Variants in LMNTD1 observed in about 807,000 individuals in gnomAD.
LMNTD1 encodes lamin tail domain containing 1, also known as lamin tail domain-containing protein 1.
A neutral mutation model predicts 50.9 loss-of-function variants in LMNTD1; 35 were observed. The ratio of observed to expected loss-of-function variants is 0.69; its 90% CI spans 0.53 to 0.91. LMNTD1 has a LOEUF of 0.91. Ranked by LOEUF, LMNTD1 falls within the 40% of genes least tolerant of loss-of-function variation. The pLI, the probability that LMNTD1 is intolerant of heterozygous loss-of-function variation, is 0.00. For synonymous variants in LMNTD1, 153 were observed against 161.9 expected (o/e 0.94, Z 0.42); for missense variants, 470 against 475.5 (o/e 0.99, Z 0.11).
rs1415201314 is a variant in LMNTD1, at chr12:25,539,165, C to T, written c.491+7209G>A. ...CCACTGTCAACATTAGACAGATCAA[C>T]GAGACAGAAAGTCAACAAGGATACC... On this transcript the variant is annotated intron_variant, in intron 4 of 9. Transcript: ENST00000458174. Among the ~76,000 whole-genome samples, 13 of 144,332 alleles carry T rather than the reference C, an allele frequency of 9.0e-5. No homozygotes were observed. In the South Asian group the frequency reaches 2.1e-3, roughly 23 times the overall value. 94.7% of individuals were successfully genotyped at this position (144,332 alleles called of 152,430 possible).
intron 1 of LMNTD1, among the ~76,000 whole-genome samples, chr12:25,619,246 C>CTATATATA (rs1401057071): frequency 5.2e-5 from 4 of 76,212 alleles, no homozygotes; most frequent in Admixed American, 1.3e-4. Context: ...CTCTCTCTCT[C>CTATATATA]TCTCTCTATA....
chr12:25,610,495 A>G (rs923910051), intron 1 of LMNTD1, among the ~76,000 whole-genome samples: 3 of 152,126 alleles, frequency 2.0e-5, no homozygotes, highest in Admixed American at 2.0e-4. Flanking sequence ...CTTCATTTAG[A>G]TTTAATTTAT....
At chr12:25,548,481 A>G (rs147236547) in intron 3 of LMNTD1, among the ~76,000 whole-genome samples, 13 of 152,046 alleles carry the variant, frequency 8.6e-5, no homozygotes, top group African/African-American at 3.1e-4. Flanking sequence ...CAGATTCATA[A>G]CTAATGTTTA....
intron 1 of LMNTD1, among the ~76,000 whole-genome samples, chr12:25,636,228 G>A (rs1467892928): frequency 1.3e-5 from 2 of 151,978 alleles, no homozygotes; most frequent in Non-Finnish European, 2.9e-5. Context: ...TCTGCACAAT[G>A]TATACATCTG....
chr12:25,598,255 T>C lies in LMNTD1; in HGVS notation c.58+50239A>G, dbSNP rs143558965. On this transcript the variant is annotated intron_variant, in intron 1 of 7. Coordinates refer to the LMNTD1 transcript ENST00000445693. Reference sequence around the variant, plus strand: ...ATAAATTAAACAATATGCTCCTGAATGACCAGTGGGTCAATAAAGAAATTA... The same window carrying C: ...ATAAATTAAACAATATGCTCCTGAACGACCAGTGGGTCAATAAAGAAATTA... Among the ~76,000 whole-genome samples the C allele has an allele frequency of 6.6e-5, 10 of 152,188 alleles. No homozygotes were observed. In the East Asian group the frequency reaches 1.7e-3, roughly 26 times the overall value.
chr12:25,594,116 A>G (rs1945781342), intron 1 of LMNTD1, among the ~76,000 whole-genome samples: 1 of 152,244 alleles, frequency 6.6e-6, no homozygotes, highest in Admixed American at 6.5e-5. Context: ...GAAGAAGAGA[A>G]ATCTAAAAGT....
chr12:25,631,637 G>A (rs142633149), intron 1 of LMNTD1, among the ~76,000 whole-genome samples: 3,713 of 152,224 alleles, frequency 0.024, 89 homozygotes, highest in African/African-American at 0.064. Flanking sequence ...TGGGACAAAA[G>A]AATCTGAACA....
intron 1 of LMNTD1, among the ~76,000 whole-genome samples, chr12:25,644,666 G>A (rs144831288): frequency 6.6e-6 from 1 of 152,296 alleles, no homozygotes; most frequent in East Asian, 1.9e-4. Context: ...CACAGAACTT[G>A]CGTATATGTT....
intron 1 of LMNTD1, among the ~76,000 whole-genome samples, chr12:25,589,964 CA>C (rs1945647635): frequency 6.6e-6 from 1 of 152,164 alleles, no homozygotes; most frequent in Admixed American, 6.5e-5. Flanking sequence ...GTGGGAATTA[CA>C]AACCCAGAGA....
chr12:25,644,940 A>G (rs186550169), intron 1 of LMNTD1, among the ~76,000 whole-genome samples: 3 of 152,354 alleles, frequency 2.0e-5, no homozygotes, highest in Non-Finnish European at 2.9e-5. Flanking sequence ...TCAATGAAGT[A>G]TGAGTCTAAG....
At chr12:25,632,438 A>G (rs914289179) in intron 1 of LMNTD1, among the ~76,000 whole-genome samples, 2 of 152,242 alleles carry the variant, frequency 1.3e-5, no homozygotes, top group African/African-American at 4.8e-5. Context: ...TCAGATTAAC[A>G]GCAGATTTCT....
rs775002964 is a variant in LMNTD1 at position 25,519,847 on chromosome 12, A to T, written c.1016+11T>A. 1 of 1,594,236 alleles carries T rather than the reference A, an allele frequency of 6.3e-7. No individual in the cohort carries two copies. Among genetic ancestry groups the T allele is most frequent in the Non-Finnish European group, 8.6e-7 (1 of 1,165,252 alleles). On this transcript the variant is annotated intron_variant, in intron 7 of 9. Transcript: ENST00000458174. ...GGACCCATTAAAACAAACAAACCAAACAACCCTTACCTCTTAAGAAGAACT... is the reference window on the plus strand; with the variant it reads ...GGACCCATTAAAACAAACAAACCAATCAACCCTTACCTCTTAAGAAGAACT...
At chr12:25,555,490 A>G (rs759111747), upstream of LMNTD1, among the ~76,000 whole-genome samples, 11 of 152,234 alleles carry the variant, frequency 7.2e-5, no homozygotes, top group Non-Finnish European at 1.2e-4. Context: ...AATTCAAGCA[A>G]ACTGTAGAAA....
intron 1 of LMNTD1, among the ~76,000 whole-genome samples, chr12:25,594,560 A>G (rs1258361858): frequency 6.6e-6 from 1 of 151,890 alleles, no homozygotes; most frequent in African/African-American, 2.4e-5. Context: ...TGACTTAAAA[A>G]AATCTCTAAA....
intron 5 of LMNTD1, 131 bp downstream of exon 5, chr12:25,526,638 A>C (rs767114444): frequency 9.1e-6 from 5 of 548,934 alleles, no homozygotes; most frequent in South Asian, 5.3e-5. Flanking sequence ...TTAACCACCA[A>C]CAACAAAATC....
At chr12:25,552,635 T>C (rs1358202573) in intron 2 of LMNTD1, among the ~76,000 whole-genome samples, 1 of 145,564 alleles carries the variant, frequency 6.9e-6, no homozygotes, top group Non-Finnish European at 1.5e-5. Flanking sequence ...CTAGGTCTTA[T>C]ACTATGGAGA....
chr12:25,509,367 C>A (rs1313224638), intron 8 of LMNTD1, among the ~76,000 whole-genome samples: 1 of 152,190 alleles, frequency 6.6e-6, no homozygotes, highest in East Asian at 1.9e-4. Flanking sequence ...CTCGGCCTCC[C>A]AAAGTGCTGG....
chr12:25,503,546 A>G (rs1939506604), intron 9 of LMNTD1, among the ~76,000 whole-genome samples, 192 bp downstream of exon 9: 1 of 152,226 alleles, frequency 6.6e-6, no homozygotes, highest in Non-Finnish European at 1.5e-5. Flanking sequence ...CCATTCTTAG[A>G]AAGCTTATCA....
intron 4 of LMNTD1, among the ~76,000 whole-genome samples, chr12:25,536,925 G>T (rs1942631827): frequency 6.6e-6 from 1 of 152,274 alleles, no homozygotes; most frequent in Admixed American, 6.5e-5. Flanking sequence ...GAAGCACAAG[G>T]GGTCAGGGAG....
Sources: gnomAD v4.1 joint callset for allele counts (sites outside exome capture counted in the v4.1 genomes callset) on GRCh38, gnomAD v4.1.1 for gene constraint, MANE v1.5 for transcripts, NCBI Gene and HGNC (gene_info 2026-07-23, HGNC 2026-07-21) for gene names.